DPYSL2: variants seen among roughly 807,000 people sequenced by gnomAD.
The protein encoded by DPYSL2 is dihydropyrimidinase like 2.
Under a neutral mutation model 69.9 loss-of-function variants are expected in DPYSL2, and 13 were observed. That is an observed-to-expected ratio of 0.19 (90% CI 0.12 to 0.30). The LOEUF is 0.30. Among genes scored for constraint, DPYSL2 ranks in the 10% least tolerant of loss-of-function variants. The pLI is 1.00. For synonymous variants in DPYSL2, 326 were observed against 359.1 expected (o/e 0.91, Z 1.04); for missense variants, 587 against 918.9 (o/e 0.64, Z 4.67).
At position 26,586,102 on chromosome 8, in the gene DPYSL2, CA is replaced by C. The variant is rs71553809; in HGVS notation, c.628+2128del. ...TGAGCAATAGAGTGAGACTCCGTCTCAAAAAAAAACAAACAAAAAAATTCTC... is the reference window on the plus strand; with the variant it reads ...TGAGCAATAGAGTGAGACTCCGTCTCAAAAAAAACAAACAAAAAAATTCTC... On this transcript the variant is annotated intron_variant, in intron 3 of 13. Transcript: ENST00000521913. The surrounding 1 kb of genome is among the most constrained non-coding windows in gnomAD (Gnocchi z 4.7). 6.7e-6 allele frequency among the ~76,000 whole-genome samples: 1 copy of C among 150,328 alleles called. No individual in the cohort carries two copies. Among genetic ancestry groups the C allele is most frequent in the East Asian group, 2.0e-4 (1 of 5,114 alleles).
At chr8:26,555,404 A>G (rs1800928933) in intron 1 of DPYSL2, among the ~76,000 whole-genome samples, 1 of 152,214 alleles carries the variant, frequency 6.6e-6, no homozygotes, top group Non-Finnish European at 1.5e-5. Context: ...TTATATCAAG[A>G]TTGTAGGATA....
Position 26,514,710 on chromosome 8 carries a change from G to C in DPYSL2, c.354+31G>C. ...TGTGGGGGTTGGGGGTGGAGACGGA[G>C]GACGGGGCGCGGGGATCGCCCCTCC... On this transcript the variant is annotated intron_variant, in intron 1 of 13. Coordinates refer to ENST00000521913, the MANE Select transcript of DPYSL2 (RefSeq NM_001197293.3). The surrounding 1 kb of genome is among the most constrained non-coding windows in gnomAD (Gnocchi z 8.4). 7.4e-7 allele frequency: 1 copy of C among 1,348,844 alleles called. No homozygotes were observed. The highest frequency in any genetic ancestry group is 3.1e-5 in the East Asian group (1 of 32,526). 83.6% of individuals were successfully genotyped at this position (1,348,844 alleles called of 1,614,324 possible).
chr8:26,545,690 C>T (rs1398057124), intron 1 of DPYSL2, among the ~76,000 whole-genome samples: 1 of 152,050 alleles, frequency 6.6e-6, no homozygotes, highest in South Asian at 2.1e-4. Context: ...TCACTTGAAC[C>T]CGGGAGGCAG....
intron 1 of DPYSL2, among the ~76,000 whole-genome samples, chr8:26,542,245 A>C (rs934756117): frequency 1.3e-5 from 2 of 152,152 alleles, no homozygotes; most frequent in Admixed American, 6.5e-5. Context: ...CCAAGCTAGC[A>C]ACTGAACTCT....
intron 1 of DPYSL2, among the ~76,000 whole-genome samples, chr8:26,542,022 A>G (rs1161587798): frequency 3.9e-5 from 6 of 152,192 alleles, no homozygotes; most frequent in Admixed American, 6.5e-5. Flanking sequence ...TGTAATCCCA[A>G]CAATCTGGGA....
intron 13 of DPYSL2, 104 bp from the exon 14 acceptor site, chr8:26,655,511 C>T (rs749774644): frequency 2.6e-4 from 271 of 1,024,680 alleles, no homozygotes; most frequent in Non-Finnish European, 3.2e-4. Context: ...AAAAAGAATG[C>T]GACTAGCACT....
Position 26,564,839 on chromosome 8 carries a change from G to A in DPYSL2, c.355-17130G>A, listed in dbSNP as rs1487307062. Among the ~76,000 whole-genome samples the A allele has an allele frequency of 6.6e-6, 1 of 152,082 alleles. No homozygotes were observed. Among genetic ancestry groups the A allele is most frequent in the African/African-American group, 2.4e-5 (1 of 41,384 alleles). On this transcript the variant is annotated intron_variant, in intron 1 of 13. Transcript: ENST00000521913. This position sits in a 1 kb window ranked among gnomAD's most constrained non-coding sequence, Gnocchi z 4.8. ...TTACATAGATGAATTGTATAGTGGT[G>A]AAGTCTGAGATTTTAGTGCACCCAT...
chr8:26,570,377 C>T (rs1302472406), intron 1 of DPYSL2, among the ~76,000 whole-genome samples: 3 of 152,060 alleles, frequency 2.0e-5, no homozygotes, highest in Non-Finnish European at 4.4e-5. Context: ...GAAAGACAGC[C>T]GATCACCTGT....
At chr8:26,630,886 T>C (rs141028298) in intron 7 of DPYSL2, among the ~76,000 whole-genome samples, 53 of 152,312 alleles carry the variant, frequency 3.5e-4, no homozygotes, top group African/African-American at 1.3e-3. Flanking sequence ...ATTAGAAAGT[T>C]TCCTCCTGCT....
intron 11 of DPYSL2, among the ~76,000 whole-genome samples, chr8:26,649,690 C>G (rs944940575): frequency 6.6e-6 from 1 of 152,248 alleles, no homozygotes; most frequent in African/African-American, 2.4e-5. Context: ...TAGTTCAGAG[C>G]ATCTAGCTAA....
At position 26,640,790 on chromosome 8, in the gene DPYSL2, A is replaced by G. The variant is rs906220629; in HGVS notation, c.1127-2649A>G. ...AGGATGGCTCCATCCCTCCCCTGGC[A>G]TCCACTGCCCCTGCCCCTGAATGTC... On this transcript the variant is annotated intron_variant, in intron 8 of 13. Transcript: ENST00000521913. The surrounding 1 kb of genome is among the most constrained non-coding windows in gnomAD (Gnocchi z 4.2). Among the ~76,000 whole-genome samples, 1 of 152,180 alleles carries G rather than the reference A, an allele frequency of 6.6e-6. No individual in the cohort carries two copies. Among genetic ancestry groups the G allele is most frequent in the South Asian group, 2.1e-4 (1 of 4,834 alleles).
chr8:26,545,381 G>A (rs1563380865), intron 1 of DPYSL2, among the ~76,000 whole-genome samples: 2 of 152,272 alleles, frequency 1.3e-5, no homozygotes, highest in African/African-American at 4.8e-5. Context: ...TCACAAATAT[G>A]TGGAAACAAA....
chr8:26,640,391 C>G lies in DPYSL2; in HGVS notation c.1127-3048C>G, dbSNP rs1803014971. 6.6e-6 allele frequency among the ~76,000 whole-genome samples: 1 copy of G among 152,294 alleles called. No individual in the cohort carries two copies. The highest frequency in any genetic ancestry group is 3.4e-3 in the Middle Eastern group (1 of 294). On this transcript the variant is annotated intron_variant, in intron 8 of 13. Transcript: ENST00000521913. The surrounding 1 kb of genome is among the most constrained non-coding windows in gnomAD (Gnocchi z 4.2). ...CTAACGGGCACCCAGATAGCATCAG[C>G]AGTGTATTTAGAGAAGTGCAGAAGG... is the stretch of plus-strand genomic sequence containing the variant.
At chr8:26,638,539 C>T (rs1243210055) in intron 8 of DPYSL2, among the ~76,000 whole-genome samples, 1 of 152,160 alleles carries the variant, frequency 6.6e-6, no homozygotes, top group African/African-American at 2.4e-5. Flanking sequence ...ATCCTGCCTT[C>T]CCTGAGAGAC....
chr8:26,624,053 G>A lies in DPYSL2; in HGVS notation c.629-90G>A. 6 of 1,401,694 alleles carry A rather than the reference G, an allele frequency of 4.3e-6. No individual in the cohort carries two copies. The highest frequency in any genetic ancestry group is 4.9e-6 in the Non-Finnish European group (5 of 1,010,224). The allele number at this position is 1,401,694 out of a possible 1,614,324, so 86.8% of individuals were successfully genotyped here. ...ACCATCTCGATTTTGAACCCAAGAA[G>A]CCTTATTCAGGGTTCAAGTGGGAAA... is the stretch of plus-strand genomic sequence containing the variant. On this transcript the variant is annotated intron_variant, in intron 3 of 13. Coordinates refer to ENST00000521913, the MANE Select transcript of DPYSL2 (RefSeq NM_001197293.3). The surrounding 1 kb of genome is among the most constrained non-coding windows in gnomAD (Gnocchi z 4.7).
At chr8:26,552,092 G>A (rs1800882325) in intron 1 of DPYSL2, among the ~76,000 whole-genome samples, 1 of 152,140 alleles carries the variant, frequency 6.6e-6, no homozygotes, top group Non-Finnish European at 1.5e-5. Context: ...GGGATTACAG[G>A]TGTGAGCCAC....
At chr8:26,554,001 C>G (rs1022404676) in intron 1 of DPYSL2, among the ~76,000 whole-genome samples, 1 of 147,744 alleles carries the variant, frequency 6.8e-6, no homozygotes, top group African/African-American at 2.5e-5. Context: ...AAGCAATTCT[C>G]TGCCTCAGCC....
rs1170102448 is a variant in DPYSL2 at position 26,533,091 on chromosome 8, A to G, written c.354+18412A>G. Among the ~76,000 whole-genome samples the G allele has an allele frequency of 6.6e-6, 1 of 152,150 alleles. No individual in the cohort carries two copies. Among genetic ancestry groups the G allele is most frequent in the Non-Finnish European group, 1.5e-5 (1 of 68,028 alleles). On this transcript the variant is annotated intron_variant, in intron 1 of 13. Transcript: ENST00000521913. This position sits in a 1 kb window ranked among gnomAD's most constrained non-coding sequence, Gnocchi z 4.8. ...GCCATCCTACTGGGTATGAGTCAGT[A>G]TCTCTTGTGGCTTTGGTTTGTATTT... is the stretch of plus-strand genomic sequence containing the variant.
chr8:26,642,374 T>C lies in DPYSL2; in HGVS notation c.1127-1065T>C, dbSNP rs1176155936. Reference sequence around the variant, plus strand: ...GCTTCCAGTAGTGAAGAGCATCTGATGCTTTGGTGAGGAGGATTTTCTTTT... The same window carrying C: ...GCTTCCAGTAGTGAAGAGCATCTGACGCTTTGGTGAGGAGGATTTTCTTTT... On this transcript the variant is annotated intron_variant, in intron 8 of 13. Transcript: ENST00000521913. This position sits in a 1 kb window ranked among gnomAD's most constrained non-coding sequence, Gnocchi z 5.3. Among the ~76,000 whole-genome samples the C allele has an allele frequency of 1.3e-5, 2 of 152,186 alleles. No individual in the cohort carries two copies. The highest frequency in any genetic ancestry group is 2.4e-5 in the African/African-American group (1 of 41,442).
Sources: gnomAD v4.1 joint callset for allele counts (sites outside exome capture counted in the v4.1 genomes callset) on GRCh38, gnomAD v4.1.1 for gene constraint, Gnocchi (gnomAD v3.1) non-coding constraint, MANE v1.5 for transcripts, NCBI Gene and HGNC (gene_info 2026-07-23, HGNC 2026-07-21) for gene names.